EVI5: variants seen among roughly 807,000 people sequenced by gnomAD.
EVI5 encodes ecotropic viral integration site 5.
Under a neutral mutation model 112.0 loss-of-function variants are expected in EVI5, and 73 were observed. That is an observed-to-expected ratio of 0.65 (90% CI 0.54 to 0.79). The LOEUF is 0.79. Among genes scored for constraint, EVI5 ranks in the 30% least tolerant of loss-of-function variants. The pLI, the probability that EVI5 is intolerant of heterozygous loss-of-function variation, is 0.00. For missense variants in EVI5, 900 were observed against 968.8 expected (o/e 0.93, Z 0.94); for synonymous variants, 305 against 319.9 (o/e 0.95, Z 0.50).
intron 8 of EVI5, among the ~76,000 whole-genome samples, 174 bp from the exon 9 acceptor site, chr1:92,694,073 C>T (rs561530049): frequency 8.2e-4 from 125 of 152,076 alleles, no homozygotes; most frequent in Non-Finnish European, 1.6e-3. Flanking sequence ...ACCAGCCTGG[C>T]CAACATGATG....
At position 92,517,772 on chromosome 1, in the gene EVI5, G is replaced by A. The variant is rs1207565711; in HGVS notation, c.2167-3802C>T. Among the ~76,000 whole-genome samples, 3 of 152,196 alleles carry A rather than the reference G, an allele frequency of 2.0e-5. No homozygotes were observed. In the East Asian group the frequency reaches 5.8e-4, roughly 29 times the overall value. ...CTCAGAATAGGGACCACTACTCTAG[G>A]CAATGGCTTTTGTTTGTATTTTGGT... On this transcript the variant is annotated intron_variant, in intron 19 of 19. Coordinates refer to ENST00000684568, the MANE Select transcript of EVI5 (RefSeq NM_001350197.2).
intron 18 of EVI5, among the ~76,000 whole-genome samples, chr1:92,577,966 T>C (rs2101053558): frequency 6.6e-6 from 1 of 152,346 alleles, no homozygotes; most frequent in East Asian, 1.9e-4. Context: ...TGCTTTTGTT[T>C]AGTGCAAGGT....
intron 2 of EVI5, among the ~76,000 whole-genome samples, chr1:92,735,818 TTATTATAATATAATC>T (rs1353733565): frequency 2.2e-5 from 3 of 138,418 alleles, no homozygotes; most frequent in Non-Finnish European, 3.0e-5. Context: ...ATATTATATA[TTATTATAATATAATC>T]TATTATAATA....
intron 9 of EVI5, 82 bp from the exon 10 acceptor site, chr1:92,677,300 T>C (rs1025746918): frequency 4.3e-5 from 30 of 697,178 alleles, no homozygotes; most frequent in Non-Finnish European, 5.8e-5. Flanking sequence ...AAAATACATA[T>C]GAACATAAAA....
At chr1:92,746,775 T>C (rs1679311019) in intron 1 of EVI5, among the ~76,000 whole-genome samples, 2 of 151,906 alleles carry the variant, frequency 1.3e-5, no homozygotes, top group South Asian at 4.1e-4. Flanking sequence ...CGTGTGTCTG[T>C]GATCCCAGCT....
At chr1:92,593,408 T>C (rs1674342809) in intron 18 of EVI5, among the ~76,000 whole-genome samples, 1 of 152,182 alleles carries the variant, frequency 6.6e-6, no homozygotes, top group Non-Finnish European at 1.5e-5. Flanking sequence ...TAGGTATTGA[T>C]GGGACGTATC....
At chr1:92,569,831 C>T (rs1481463308) in intron 18 of EVI5, among the ~76,000 whole-genome samples, 7 of 113,818 alleles carry the variant, frequency 6.2e-5, no homozygotes, top group South Asian at 6.0e-4. Context: ...TCCAGCCTGG[C>T]GATGGAGGGA....
intron 18 of EVI5, among the ~76,000 whole-genome samples, chr1:92,591,322 T>C (rs1005239329): frequency 2.0e-5 from 3 of 152,110 alleles, no homozygotes; most frequent in East Asian, 3.9e-4. Flanking sequence ...GACTGGCAAA[T>C]TGGATAGAGT....
chr1:92,550,132 T>C (rs1666541602), intron 19 of EVI5, among the ~76,000 whole-genome samples: 1 of 151,816 alleles, frequency 6.6e-6, no homozygotes, highest in South Asian at 2.1e-4. Context: ...ATTAAGAAAA[T>C]GTGGCACATA....
intron 19 of EVI5, among the ~76,000 whole-genome samples, chr1:92,538,559 G>A (rs1664266558): frequency 6.6e-6 from 1 of 152,178 alleles, no homozygotes; most frequent in African/African-American, 2.4e-5. Flanking sequence ...TAGTGTTTAG[G>A]TGACAAGTGT....
chr1:92,733,127 C>A (rs1676766414), intron 2 of EVI5: 2 of 225,006 alleles, frequency 8.9e-6, no homozygotes, highest in Non-Finnish European at 9.9e-6. Context: ...CAGGAGAAGC[C>A]TTATCCTTAG....
intron 18 of EVI5, among the ~76,000 whole-genome samples, chr1:92,584,011 C>T (rs1672383194): frequency 6.6e-6 from 1 of 151,904 alleles, no homozygotes; most frequent in Non-Finnish European, 1.5e-5. Flanking sequence ...GGTTTTTCTC[C>T]GGGAGTAGTA....
rs111492152 is a variant in EVI5 at position 92,720,898 on chromosome 1, T to G, written c.149+15500A>C. ...ACAGACACTTCTCAAAAGAAGACATTTATGCAGCATACAAATGAAAAAATG... is the reference window on the plus strand; with the variant it reads ...ACAGACACTTCTCAAAAGAAGACATGTATGCAGCATACAAATGAAAAAATG... On this transcript the variant is annotated intron_variant, in intron 2 of 19. Transcript: ENST00000684568. Among the ~76,000 whole-genome samples the G allele has an allele frequency of 3.9e-3, 588 of 152,256 alleles. 3 individuals carry two copies. Among genetic ancestry groups the G allele is most frequent in the African/African-American group, 0.013 (556 of 41,542 alleles).
intron 18 of EVI5, among the ~76,000 whole-genome samples, chr1:92,565,266 C>A (rs2100924361): frequency 6.6e-6 from 1 of 152,272 alleles, no homozygotes; most frequent in South Asian, 2.1e-4. Flanking sequence ...TGAATACATG[C>A]ACACGTTTAT....
At chr1:92,579,310 C>T (rs1432978159) in intron 18 of EVI5, among the ~76,000 whole-genome samples, 1 of 152,118 alleles carries the variant, frequency 6.6e-6, no homozygotes, top group Non-Finnish European at 1.5e-5. Flanking sequence ...ATATTTAAAT[C>T]AACTGATCAG....
At chr1:92,776,555 C>A (rs1684161228) in intron 1 of EVI5, among the ~76,000 whole-genome samples, 1 of 150,526 alleles carries the variant, frequency 6.6e-6, no homozygotes, top group South Asian at 2.1e-4. Context: ...AAGCTTTTTT[C>A]AAAATAAAAA....
chr1:92,695,829 G>A (rs1670235393), intron 6 of EVI5, among the ~76,000 whole-genome samples: 1 of 151,916 alleles, frequency 6.6e-6, no homozygotes. Context: ...ATACTTTCAG[G>A]CACTATCTAC....
At chr1:92,574,019 A>G (rs1358218168) in intron 18 of EVI5, among the ~76,000 whole-genome samples, 1 of 152,128 alleles carries the variant, frequency 6.6e-6, no homozygotes, top group South Asian at 2.1e-4. Flanking sequence ...TCTAACCTAT[A>G]TATTATATAG....
At chr1:92,583,675 G>A (rs1016451532) in intron 18 of EVI5, among the ~76,000 whole-genome samples, 19 of 150,644 alleles carry the variant, frequency 1.3e-4, no homozygotes, top group African/African-American at 4.4e-4. Context: ...GTATTGTACT[G>A]GCCAATGGTA....
Sources: gnomAD v4.1 joint callset for allele counts (sites outside exome capture counted in the v4.1 genomes callset) on GRCh38, gnomAD v4.1.1 for gene constraint, MANE v1.5 for transcripts, NCBI Gene and HGNC (gene_info 2026-07-23, HGNC 2026-07-21) for gene names.